The following OCIAD1 variants were observed in gnomAD, a reference collection of about 807,000 sequenced individuals.
OCIAD1 encodes OCIA domain containing 1, also known as OCIA domain-containing protein 1.
In OCIAD1, 29 loss-of-function variants were observed where a neutral mutation model predicts 38.9. That is an observed-to-expected ratio of 0.74 (90% CI 0.55 to 1.02). The LOEUF is 1.02. Ranked by LOEUF, OCIAD1 falls within the 50% of genes least tolerant of loss-of-function variation. The probability of loss-of-function intolerance (pLI) is 0.00; values close to 1 mark genes in which losing one functional copy is unlikely to be tolerated. For missense variants in OCIAD1, 288 were observed against 289.6 expected (o/e 0.99, Z 0.04); for synonymous variants, 110 against 92.0 (o/e 1.20, Z -1.12).
chr4:48,834,612 A>G (rs1475775490), intron 3 of OCIAD1, among the ~76,000 whole-genome samples: 1 of 152,146 alleles, frequency 6.6e-6, no homozygotes, highest in Non-Finnish European at 1.5e-5. Context: ...TCTACCAAAA[A>G]TGAAAGAAAT....
At position 48,841,997 on chromosome 4, in the gene OCIAD1, T is replaced by G. The variant is rs1778576507; in HGVS notation, c.140-639T>G. On this transcript the variant is annotated intron_variant, in intron 3 of 8. Coordinates refer to ENST00000264312, the MANE Select transcript of OCIAD1 (RefSeq NM_017830.4). ...CGGTCAAATATGTTTTGTATTTTGG[T>G]TTAGATGGTATACTAGAGCTTAAAA... 2.0e-5 allele frequency among the ~76,000 whole-genome samples: 3 copies of G among 152,202 alleles called. No individual in the cohort carries two copies. In the South Asian group the frequency reaches 6.2e-4, roughly 32 times the overall value.
chr4:48,855,609 G>C (rs989363392), intron 7 of OCIAD1, among the ~76,000 whole-genome samples: 1 of 152,100 alleles, frequency 6.6e-6, no homozygotes, highest in African/African-American at 2.4e-5. Flanking sequence ...CCTGAGGTCA[G>C]AGTTCAAGAC....
intron 1 of OCIAD1, among the ~76,000 whole-genome samples, chr4:48,812,282 CAAAAAAAAAAAAAAAAAAAAA>C (rs397881494): frequency 4.0e-5 from 1 of 25,076 alleles, no homozygotes; most frequent in African/African-American, 2.0e-4. Context: ...GAGTTGGTCT[CAAAAAAAAAAAAAAAAAAAAA>C]AAAAAAAAAA....
At position 48,859,360 on chromosome 4, in the gene OCIAD1, A is replaced by G. The variant is rs1301860409; in HGVS notation, c.701-1365A>G. Among the ~76,000 whole-genome samples, 3 of 152,118 alleles carry G rather than the reference A, an allele frequency of 2.0e-5. No homozygotes were observed. In the East Asian group the frequency reaches 5.8e-4, roughly 29 times the overall value. ...AGACTTGTCGGTACTTTGTCCTGCT[A>G]ATTAATTTGAGGATTTAGATTGTAA... On this transcript the variant is annotated intron_variant, in intron 8 of 8. Coordinates refer to ENST00000264312, the MANE Select transcript of OCIAD1 (RefSeq NM_017830.4).
intron 4 of OCIAD1, among the ~76,000 whole-genome samples, 190 bp from the exon 5 acceptor site, chr4:48,848,209 T>C (rs1230353131): frequency 6.6e-6 from 1 of 152,192 alleles, no homozygotes; most frequent in Non-Finnish European, 1.5e-5. Flanking sequence ...TCTAATACTT[T>C]GTAGAGTCTT....
chr4:48,829,260 A>G (rs1177053430), upstream of OCIAD1, among the ~76,000 whole-genome samples: 1 of 143,492 alleles, frequency 7.0e-6, no homozygotes, highest in Admixed American at 6.9e-5. Context: ...GCCCTGTCCT[A>G]AAAAAAAAAA....
intron 1 of OCIAD1, among the ~76,000 whole-genome samples, chr4:48,816,433 C>T (rs1355255655): frequency 5.3e-5 from 8 of 149,946 alleles, no homozygotes; most frequent in Middle Eastern, 3.6e-3. Flanking sequence ...CTCAGGAGGC[C>T]GAGGCAGGGG....
Position 48,833,394 on chromosome 4 carries a change from TA to T in OCIAD1, c.59-2del. The T allele has an allele frequency of 6.5e-7, 1 of 1,541,290 alleles. No individual in the cohort carries two copies. The highest frequency in any genetic ancestry group is 8.9e-7 in the Non-Finnish European group (1 of 1,123,576). ...TTTAATGTTTTCTGATTTTCCCTGG[TA>T]AAAAGACATAGGGCCTGATTACATT... On this transcript the variant is annotated splice_region_variant and splice_polypyrimidine_tract_variant and intron_variant, in intron 2 of 8. Transcript: ENST00000264312.
intron 7 of OCIAD1, chr4:48,856,243 A>C (rs1175144338): frequency 1.3e-5 from 2 of 152,210 alleles, no homozygotes; most frequent in Non-Finnish European, 2.9e-5. Context: ...CTTTGGGAGA[A>C]ATAAAGAATA....
chr4:48,828,350 C>T (rs937218081), upstream of OCIAD1, among the ~76,000 whole-genome samples: 3 of 152,148 alleles, frequency 2.0e-5, no homozygotes, highest in African/African-American at 7.2e-5. Flanking sequence ...TACAATGGAC[C>T]AATCAACTCT....
intron 1 of OCIAD1, among the ~76,000 whole-genome samples, chr4:48,825,107 G>A (rs1777236005): frequency 6.6e-6 from 1 of 152,202 alleles, no homozygotes; most frequent in Non-Finnish European, 1.5e-5. Context: ...CAGATCCCCT[G>A]CAGCTGGCAT....
intron 8 of OCIAD1, among the ~76,000 whole-genome samples, chr4:48,858,156 C>T (rs528516347): frequency 1.3e-5 from 2 of 151,984 alleles, no homozygotes; most frequent in East Asian, 1.9e-4. Flanking sequence ...TCTGTTCCCC[C>T]CTCCCCCCGC....
intron 7 of OCIAD1, among the ~76,000 whole-genome samples, chr4:48,852,778 G>A (rs1478607858): frequency 6.6e-6 from 1 of 151,976 alleles, no homozygotes; most frequent in African/African-American, 2.4e-5. Flanking sequence ...AGTCTAGTCG[G>A]CAGTAAAAGA....
chr4:48,826,238 G>A (rs145685568), upstream of OCIAD1, among the ~76,000 whole-genome samples: 1 of 152,028 alleles, frequency 6.6e-6, no homozygotes, highest in Admixed American at 6.6e-5. Flanking sequence ...GTGCCATGTT[G>A]GTGTGCTGCA....
intron 7 of OCIAD1, chr4:48,855,832 G>A (rs1336986995): frequency 4.0e-5 from 6 of 150,638 alleles, no homozygotes; most frequent in Non-Finnish European, 7.4e-5. Flanking sequence ...AAAAAAAAAA[G>A]TTTATGGTTG....
intron 3 of OCIAD1, chr4:48,837,379 G>A (rs561752402): frequency 6.7e-6 from 1 of 149,842 alleles, no homozygotes; most frequent in South Asian, 2.1e-4. Flanking sequence ...TGCAACCCCT[G>A]CCTCCTGGGT....
At chr4:48,850,690 C>A (rs1779367989) in intron 6 of OCIAD1, among the ~76,000 whole-genome samples, 1 of 152,210 alleles carries the variant, frequency 6.6e-6, no homozygotes, top group South Asian at 2.1e-4. Flanking sequence ...CCTCCTCCCT[C>A]AGCCTCTGGA....
At chr4:48,838,816 C>CTTGTT (rs1778253412) in intron 3 of OCIAD1, among the ~76,000 whole-genome samples, 1 of 152,112 alleles carries the variant, frequency 6.6e-6, no homozygotes, top group African/African-American at 2.4e-5. Flanking sequence ...GATCTAGGGA[C>CTTGTT]CATTCTCTTT....
chr4:48,860,588 G>T (rs1780510747), intron 8 of OCIAD1, 137 bp from the exon 9 acceptor site: 2 of 710,332 alleles, frequency 2.8e-6, no homozygotes, highest in Non-Finnish European at 2.4e-6. Flanking sequence ...TCCCCTTTTT[G>T]TAATTATAAT....
Sources: gnomAD v4.1 joint callset for allele counts (sites outside exome capture counted in the v4.1 genomes callset) on GRCh38, gnomAD v4.1.1 for gene constraint, MANE v1.5 for transcripts, NCBI Gene and HGNC (gene_info 2026-07-23, HGNC 2026-07-21) for gene names.